SLC9A9: variants seen among roughly 807,000 people sequenced by gnomAD.
The protein encoded by SLC9A9 is solute carrier family 9 member A9.
Under a neutral mutation model 77.8 loss-of-function variants are expected in SLC9A9, and 62 were observed. That is an observed-to-expected ratio of 0.80 (90% CI 0.65 to 0.98). The LOEUF (loss-of-function observed/expected upper bound fraction) is 0.98. Among genes scored for constraint, SLC9A9 ranks in the 50% least tolerant of loss-of-function variants. The pLI is 0.00. For synonymous variants in SLC9A9, 320 were observed against 283.5 expected, an observed-to-expected ratio of 1.13 and a Z score of -1.29; for missense variants, 775 against 774.9, an observed-to-expected ratio of 1.00 and a Z score of 0.00.
At chr3:143,666,614 G>T (rs576625068) in intron 5 of SLC9A9, among the ~76,000 whole-genome samples, 4,712 of 152,296 alleles carry the variant, frequency 0.031, 107 homozygotes, top group Middle Eastern at 0.088. Flanking sequence ...ATCTCCTTAA[G>T]CTGATAAGCA....
chr3:143,830,308 AAACT>A (rs2009403053), intron 2 of SLC9A9, among the ~76,000 whole-genome samples: 1 of 152,282 alleles, frequency 6.6e-6, no homozygotes, highest in East Asian at 1.9e-4. Context: ...GTTCATCTAG[AAACT>A]ACTTGAGCCA....
chr3:143,828,559 AC>A (rs1183662366), intron 2 of SLC9A9, among the ~76,000 whole-genome samples: 1 of 151,848 alleles, frequency 6.6e-6, no homozygotes, highest in East Asian at 1.9e-4. Flanking sequence ...GCACATACCT[AC>A]CCCAACACAC....
At chr3:143,390,639 A>G (rs2108504529) in intron 12 of SLC9A9, among the ~76,000 whole-genome samples, 1 of 152,296 alleles carries the variant, frequency 6.6e-6, no homozygotes, top group Non-Finnish European at 1.5e-5. Flanking sequence ...GTGTGAGCCG[A>G]AGCAGGGCGA....
intron 9 of SLC9A9, among the ~76,000 whole-genome samples, chr3:143,551,765 CCTCTTGAAGGCAG>C: frequency 6.6e-6 from 1 of 152,312 alleles, no homozygotes; most frequent in African/African-American, 2.4e-5. Context: ...TGATAACGAA[CCTCTTGAAGGCAG>C]GGCCATAAAC....
chr3:143,683,958 T>C (rs1933184080), intron 5 of SLC9A9, among the ~76,000 whole-genome samples: 1 of 151,956 alleles, frequency 6.6e-6, no homozygotes, highest in Non-Finnish European at 1.5e-5. Context: ...CAGCCCCATC[T>C]TAGTGCAGCA....
At chr3:143,461,261 T>C (rs115729150) in intron 12 of SLC9A9, among the ~76,000 whole-genome samples, 1 of 152,348 alleles carries the variant, frequency 6.6e-6, no homozygotes, top group African/African-American at 2.4e-5. Context: ...GCGTTTATCA[T>C]TTTAAATGCA....
intron 6 of SLC9A9, among the ~76,000 whole-genome samples, chr3:143,606,559 T>G (rs2037932906): frequency 6.7e-6 from 1 of 149,542 alleles, no homozygotes; most frequent in African/African-American, 2.4e-5. Context: ...GCCTGAAAGA[T>G]TTTCTAAAAC....
chr3:143,406,502 C>T (rs1421327163), intron 12 of SLC9A9, among the ~76,000 whole-genome samples: 2 of 151,928 alleles, frequency 1.3e-5, no homozygotes, highest in Non-Finnish European at 2.9e-5. Context: ...CCCAGCCTCC[C>T]GAGTAGCTGG....
intron 14 of SLC9A9, among the ~76,000 whole-genome samples, chr3:143,359,208 C>T (rs2032673170): frequency 6.6e-6 from 1 of 152,190 alleles, no homozygotes; most frequent in Non-Finnish European, 1.5e-5. Flanking sequence ...TTGATTCATT[C>T]ATTCCTTCAA....
chr3:143,347,240 G>A (rs1036524000), intron 14 of SLC9A9, among the ~76,000 whole-genome samples: 5 of 152,042 alleles, frequency 3.3e-5, no homozygotes, highest in South Asian at 2.1e-4. Flanking sequence ...CCCAGTAATC[G>A]TCACAAGCAT....
intron 1 of SLC9A9, among the ~76,000 whole-genome samples, chr3:143,843,365 A>G (rs1394517274): frequency 5.9e-5 from 9 of 152,210 alleles, no homozygotes; most frequent in Non-Finnish European, 1.0e-4. Flanking sequence ...ATAATTTTTC[A>G]ATCCTTGATG....
chr3:143,434,924 A>G (rs1576494896), intron 12 of SLC9A9, among the ~76,000 whole-genome samples: 1 of 151,326 alleles, frequency 6.6e-6, no homozygotes, highest in Non-Finnish European at 1.5e-5. Flanking sequence ...GCCCCTTCTG[A>G]CCTCCCTGCC....
At chr3:143,362,681 G>C (rs2032784700) in intron 14 of SLC9A9, among the ~76,000 whole-genome samples, 1 of 152,102 alleles carries the variant, frequency 6.6e-6, no homozygotes, top group Non-Finnish European at 1.5e-5. Flanking sequence ...TGAAAGGAGA[G>C]GGATTTGTGA....
chr3:143,655,884 A>G (rs1329225687), intron 5 of SLC9A9, among the ~76,000 whole-genome samples: 1 of 152,204 alleles, frequency 6.6e-6, no homozygotes, highest in Non-Finnish European at 1.5e-5. Context: ...AGCTTTTGAT[A>G]AAGGATGAAG....
At chr3:143,814,406 A>AATGCTGG (rs2008950613) in intron 2 of SLC9A9, among the ~76,000 whole-genome samples, 2 of 152,124 alleles carry the variant, frequency 1.3e-5, no homozygotes, top group Admixed American at 1.3e-4. Context: ...TCAAGGACAG[A>AATGCTGG]ATGCTGGAAG....
intron 14 of SLC9A9, among the ~76,000 whole-genome samples, chr3:143,288,747 T>G (rs1938450436): frequency 6.6e-6 from 1 of 152,204 alleles, no homozygotes; most frequent in African/African-American, 2.4e-5. Context: ...GTGGTCACTT[T>G]AATTTCTCAG....
intron 15 of SLC9A9, among the ~76,000 whole-genome samples, chr3:143,268,638 C>T (rs1937801389): frequency 6.9e-6 from 1 of 144,438 alleles, no homozygotes; most frequent in Non-Finnish European, 1.5e-5. Flanking sequence ...GAGGCCGAGG[C>T]AGGAGAATGG....
At chr3:143,272,682 A>G (rs1937930694) in intron 14 of SLC9A9, among the ~76,000 whole-genome samples, 1 of 152,208 alleles carries the variant, frequency 6.6e-6, no homozygotes, top group Non-Finnish European at 1.5e-5. Context: ...TATCTATTAA[A>G]AAAAACCCAA....
intron 4 of SLC9A9, among the ~76,000 whole-genome samples, chr3:143,763,172 A>G (rs1168452245): frequency 6.6e-6 from 1 of 152,104 alleles, no homozygotes; most frequent in Non-Finnish European, 1.5e-5. Context: ...GCAGCACTGG[A>G]AATGCATATG....
Sources: allele counts gnomAD v4.1 joint callset (sites outside exome capture counted in the v4.1 genomes callset), GRCh38; gene constraint gnomAD v4.1.1; transcripts MANE v1.5; gene names NCBI Gene and HGNC (gene_info 2026-07-23, HGNC 2026-07-21).